The following PRSS35 variants were observed in gnomAD, a reference collection of about 807,000 sequenced individuals.
PRSS35 encodes serine protease 35, also known as inactive serine protease 35.
Under a neutral mutation model 8.1 loss-of-function variants are expected in PRSS35, and 7 were observed. The ratio of observed to expected loss-of-function variants is 0.86; its 90% CI spans 0.49 to 1.62. The LOEUF is 1.62. Ranked by LOEUF, PRSS35 falls within the 40% of genes most tolerant of loss-of-function variation. PRSS35 has a pLI of 0.00. For synonymous variants in PRSS35, 199 were observed against 188.7 expected (o/e 1.05, Z -0.45); for missense variants, 566 against 518.0 (o/e 1.09, Z -0.90).
intron 1 of PRSS35, among the ~76,000 whole-genome samples, chr6:83,521,516 C>T (rs1043464559): frequency 3.3e-5 from 5 of 149,732 alleles, no homozygotes; most frequent in African/African-American, 4.9e-5. Flanking sequence ...ACCTCCCCCC[C>T]TCCTCTCCTC....
At chr6:83,522,024 T>G (rs1771830903) in intron 1 of PRSS35, among the ~76,000 whole-genome samples, 1 of 152,186 alleles carries the variant, frequency 6.6e-6, no homozygotes, top group African/African-American at 2.4e-5. Flanking sequence ...TTTTCCCTTT[T>G]GTGCCAGTGC....
intron 1 of PRSS35, among the ~76,000 whole-genome samples, chr6:83,515,103 T>G (rs1771687585): frequency 6.6e-6 from 1 of 152,218 alleles, no homozygotes; most frequent in South Asian, 2.1e-4. Flanking sequence ...CTTCCCTGGA[T>G]GACTAGGAAT....
rs554514148 is a variant in PRSS35, at chr6:83,525,456, A to G, written c.*773A>G. 3 of 167,182 alleles carry G rather than the reference A, an allele frequency of 1.8e-5. No individual in the cohort carries two copies. In the South Asian group the frequency reaches 6.2e-4, roughly 35 times the overall value. The allele number at this position is 167,182 out of a possible 1,614,324, so 10.4% of individuals were successfully genotyped here. ...CAAAATATGGACTTTTCATGTATGCATAGGGAAGACACTTCACAAATTATG... is the reference window on the plus strand; with the variant it reads ...CAAAATATGGACTTTTCATGTATGCGTAGGGAAGACACTTCACAAATTATG... On this transcript the variant is annotated 3_prime_UTR_variant, in exon 2 of 2. Transcript: ENST00000369700.
At chr6:83,514,510 A>G (rs1022098452) in intron 1 of PRSS35, among the ~76,000 whole-genome samples, 1 of 152,202 alleles carries the variant, frequency 6.6e-6, no homozygotes, top group African/African-American at 2.4e-5. Context: ...GTCTCCATTT[A>G]TGAAACTAAA....
intron 1 of PRSS35, among the ~76,000 whole-genome samples, chr6:83,519,312 A>G (rs906370467): frequency 5.9e-5 from 9 of 152,198 alleles, no homozygotes; most frequent in Non-Finnish European, 1.3e-4. Context: ...GGCAGCAATC[A>G]CTGCAACTTT....
chr6:83,523,789 A>G lies in PRSS35; in HGVS notation c.348A>G (p.Val116=), dbSNP rs1277477993. The change falls in exon 2 of 2, where the codon GTA becomes GTG. Residue 116 remains valine, a synonymous_variant. Coordinates refer to ENST00000369700, the MANE Select transcript of PRSS35 (RefSeq NM_153362.3). ...CTCAAAATATCACCACAAAGGGAGT[A>G]TCTGTTAGGAGAAAGAGACAGGTGT... ...EPTQNITTKG[V]SVRRKRQVYG... 32 of 1,614,080 alleles carry G rather than the reference A, an allele frequency of 2.0e-5. No individual in the cohort carries two copies. Among genetic ancestry groups the G allele is most frequent in the Non-Finnish European group, 2.6e-5 (31 of 1,180,042 alleles).
At chr6:83,518,148 T>C (rs1771756724) in intron 1 of PRSS35, among the ~76,000 whole-genome samples, 1 of 152,228 alleles carries the variant, frequency 6.6e-6, no homozygotes, top group Admixed American at 6.5e-5. Context: ...AATATTAATA[T>C]AGTGGGCAGC....
At position 83,524,515 on chromosome 6, in the gene PRSS35, C is replaced by A; in HGVS notation, c.1074C>A (p.Asp358Glu). Residue 358 changes from aspartate to glutamate, a missense_variant, in exon 2 of 2, where the codon GAC (aspartate) becomes GAA (glutamate). Physicochemically the swap from Asp to Glu is conservative, Grantham distance 45 (BLOSUM62 2). Coordinates refer to ENST00000369700, the MANE Select transcript of PRSS35 (RefSeq NM_153362.3). ...TCTATCTGCGTCTGAAAGATCCAGACAAAAAGAATTGGAAGCGCAAAATCA... is the reference window on the plus strand; with the variant it reads ...TCTATCTGCGTCTGAAAGATCCAGAAAAAAAGAATTGGAAGCGCAAAATCA... Reference protein sequence around the residue: ...SGVYLRLKDPDKKNWKRKIIA... With the variant: ...SGVYLRLKDPEKKNWKRKIIA... 6.2e-7 allele frequency: 1 copy of A among 1,614,142 alleles called. No homozygotes were observed. Among genetic ancestry groups the A allele is most frequent in the Non-Finnish European group, 8.5e-7 (1 of 1,180,022 alleles).
At chr6:83,522,308 G>T (rs1471363213) in intron 1 of PRSS35, among the ~76,000 whole-genome samples, 1 of 152,032 alleles carries the variant, frequency 6.6e-6, no homozygotes, top group East Asian at 1.9e-4. Context: ...TGCTGCTCCA[G>T]CATGCTCCTA....
At position 83,523,556 on chromosome 6, in the gene PRSS35, A is replaced by G; in HGVS notation, c.115A>G (p.Ser39Gly). Residue 39 changes from serine (S) to glycine (G), a missense_variant, in exon 2 of 2, where the codon AGT (serine) becomes GGT (glycine). By Grantham distance (56) the Ser-to-Gly change is moderately conservative. Coordinates refer to ENST00000369700, the MANE Select transcript of PRSS35 (RefSeq NM_153362.3). ...CTTGAGAAAGGTACCCCGGATTGTC[A>G]GTGAAAGGACTTTCCATCTCACCAG... ...WHLRKVPRIV[S>G]ERTFHLTSPA... 1.9e-6 allele frequency: 3 copies of G among 1,614,194 alleles called. No individual in the cohort carries two copies. The highest frequency in any genetic ancestry group is 2.5e-6 in the Non-Finnish European group (3 of 1,180,036).
chr6:83,519,997 A>C (rs1251628936), intron 1 of PRSS35, among the ~76,000 whole-genome samples: 1 of 151,998 alleles, frequency 6.6e-6, no homozygotes, highest in Non-Finnish European at 1.5e-5. Flanking sequence ...CATATGATGC[A>C]CATAGGATCA....
chr6:83,518,435 GAC>G (rs1255189166), intron 1 of PRSS35, among the ~76,000 whole-genome samples: 2 of 118,270 alleles, frequency 1.7e-5, no homozygotes, highest in African/African-American at 6.4e-5. Context: ...CTATAAATAA[GAC>G]ACAGAAAATG....
chr6:83,523,706 G>C lies in PRSS35; in HGVS notation c.265G>C (p.Glu89Gln). ...TTATCTTTCCTATGAGACTGTCTTTGAGAATGGCACCCGAACCTTAACCAG... is the reference window on the plus strand; with the variant it reads ...TTATCTTTCCTATGAGACTGTCTTTCAGAATGGCACCCGAACCTTAACCAG... Reference protein sequence around the residue: ...EDYLSYETVFENGTRTLTRVK... With the variant: ...EDYLSYETVFQNGTRTLTRVK... The change falls in exon 2 of 2, where the codon GAG (glutamate) becomes CAG (glutamine). Residue 89 changes from glutamate to glutamine, a missense_variant. Coordinates refer to ENST00000369700, the MANE Select transcript of PRSS35 (RefSeq NM_153362.3). The C allele has an allele frequency of 6.2e-7, 1 of 1,614,200 alleles. No homozygotes were observed. The highest frequency in any genetic ancestry group is 1.1e-5 in the South Asian group (1 of 91,078).
intron 1 of PRSS35, among the ~76,000 whole-genome samples, chr6:83,515,394 TTC>T (rs201421139): frequency 0.017 from 2,540 of 152,364 alleles, 63 homozygotes; most frequent in African/African-American, 0.058. Flanking sequence ...TATCGTGATC[TTC>T]TGTTTTTAGT....
rs1274990173 is a variant in PRSS35 at position 83,524,522 on chromosome 6, A to T, written c.1081A>T (p.Asn361Tyr). 6.8e-6 allele frequency: 11 copies of T among 1,614,106 alleles called. No homozygotes were observed. The highest frequency in any genetic ancestry group is 9.3e-6 in the Non-Finnish European group (11 of 1,180,016). ...YLRLKDPDKKNWKRKIIAVYS... is the reference protein window; with the variant it reads ...YLRLKDPDKKYWKRKIIAVYS... ...GCGTCTGAAAGATCCAGACAAAAAG[A>T]ATTGGAAGCGCAAAATCATTGCGGT... Residue 361 changes from asparagine (N) to tyrosine (Y), a missense_variant, in exon 2 of 2, where the codon AAT becomes TAT. Asn to Tyr is a moderately radical substitution (Grantham distance 143). Coordinates refer to ENST00000369700, the MANE Select transcript of PRSS35 (RefSeq NM_153362.3).
intron 1 of PRSS35, among the ~76,000 whole-genome samples, chr6:83,517,488 A>G (rs1047362521): frequency 3.3e-5 from 5 of 152,132 alleles, no homozygotes; most frequent in Admixed American, 1.3e-4. Flanking sequence ...AGTTTTTACA[A>G]TTGTCATCCA....
chr6:83,518,637 A>C (rs1264172541), intron 1 of PRSS35, among the ~76,000 whole-genome samples: 1 of 152,242 alleles, frequency 6.6e-6, no homozygotes, highest in African/African-American at 2.4e-5. Context: ...TTTTAGAGTG[A>C]GTTGGAAACT....
At chr6:83,522,151 G>C (rs1196351375) in intron 1 of PRSS35, among the ~76,000 whole-genome samples, 1 of 152,174 alleles carries the variant, frequency 6.6e-6, no homozygotes, top group Non-Finnish European at 1.5e-5. Context: ...CATTGAGGAT[G>C]AATGTATTGT....
rs772146213 is a variant in PRSS35, at chr6:83,523,677, A to C, written c.236A>C (p.Glu79Ala). ...ELPTPSLSEL[E>A]DYLSYETVFE... ...CCAACTCCCAGCCTTTCTGAATTGG[A>C]GGATTATCTTTCCTATGAGACTGTC... Residue 79 changes from glutamate to alanine, a missense_variant, in exon 2 of 2, where the codon GAG becomes GCG. Coordinates refer to ENST00000369700, the MANE Select transcript of PRSS35 (RefSeq NM_153362.3). The C allele has an allele frequency of 6.2e-7, 1 of 1,614,194 alleles. No individual in the cohort carries two copies. Among genetic ancestry groups the C allele is most frequent in the Admixed American group, 1.7e-5 (1 of 60,014 alleles).
Sources: gnomAD v4.1 joint callset for allele counts (sites outside exome capture counted in the v4.1 genomes callset) on GRCh38, gnomAD v4.1.1 for gene constraint, MANE v1.5 for transcripts, NCBI Gene and HGNC (gene_info 2026-07-23, HGNC 2026-07-21) for gene names.